The following RUNX1T1 variants were observed in gnomAD, a reference collection of about 807,000 sequenced individuals.
The protein encoded by RUNX1T1 is RUNX1 partner transcriptional co-repressor 1.
RUNX1T1 carries 4 observed loss-of-function variants against 62.8 expected under a neutral mutation model. The ratio of observed to expected loss-of-function variants is 0.06; its 90% CI spans 0.03 to 0.15. RUNX1T1 has a LOEUF of 0.15. Among genes scored for constraint, RUNX1T1 ranks in the 10% least tolerant of loss-of-function variants. The pLI, the probability that RUNX1T1 is intolerant of heterozygous loss-of-function variation, is 1.00. For synonymous variants in RUNX1T1, 291 were observed against 286.0 expected (o/e 1.02, Z -0.18); for missense variants, 508 against 754.3 (o/e 0.67, Z 3.82).
At chr8:92,009,571 G>A (rs191710463) in intron 4 of RUNX1T1, 2 of 150,534 alleles carry the variant, frequency 1.3e-5, no homozygotes, top group South Asian at 2.1e-4. Context: ...GACCCTGAAA[G>A]GAGCCTATTT....
chr8:92,026,956 A>C (rs189598088), intron 1 of RUNX1T1, among the ~76,000 whole-genome samples: 134 of 150,494 alleles, frequency 8.9e-4, no homozygotes, highest in Non-Finnish European at 5.9e-5. Flanking sequence ...TCTCTACTAA[A>C]AATACAAAAA....
intron 8 of RUNX1T1, among the ~76,000 whole-genome samples, chr8:91,978,106 T>C (rs1814385030): frequency 6.6e-6 from 1 of 152,064 alleles, no homozygotes. Context: ...TATTAAATAG[T>C]CAATCATTAT....
At chr8:92,047,382 C>T (rs1829575759) in intron 1 of RUNX1T1, among the ~76,000 whole-genome samples, 1 of 152,200 alleles carries the variant, frequency 6.6e-6, no homozygotes, top group Non-Finnish European at 1.5e-5. Flanking sequence ...ACCCCTGCTC[C>T]AACAGCCCTA....
intron 10 of RUNX1T1, among the ~76,000 whole-genome samples, chr8:91,962,887 C>T (rs1165502952): frequency 6.6e-6 from 1 of 152,148 alleles, no homozygotes; most frequent in Non-Finnish European, 1.5e-5. Flanking sequence ...TTGGCAGAGG[C>T]ACGTTTTGGC....
chr8:91,988,761 A>G (rs894705145), intron 6 of RUNX1T1, among the ~76,000 whole-genome samples: 3 of 152,154 alleles, frequency 2.0e-5, no homozygotes, highest in Non-Finnish European at 4.4e-5. Context: ...GCATTTGTGA[A>G]ACAGTACTAA....
chr8:92,074,734 G>A (rs1834172858), intron 2 of RUNX1T1, among the ~76,000 whole-genome samples: 1 of 152,218 alleles, frequency 6.6e-6, no homozygotes, highest in African/African-American at 2.4e-5. Flanking sequence ...GTTAAGAAAA[G>A]AGAAGTAGTC....
intron 8 of RUNX1T1, among the ~76,000 whole-genome samples, chr8:91,977,915 G>A (rs2130728349): frequency 6.6e-6 from 1 of 152,208 alleles, no homozygotes; most frequent in South Asian, 2.1e-4. Context: ...AGCCTCCCGA[G>A]TAGCTCGGAT....
intron 1 of RUNX1T1, among the ~76,000 whole-genome samples, chr8:92,085,147 G>C (rs1484414126): frequency 6.6e-6 from 1 of 152,234 alleles, no homozygotes; most frequent in African/African-American, 2.4e-5. Flanking sequence ...AAAGCACTTG[G>C]GAGTTAGGTC....
rs759758804 is a variant in RUNX1T1, at chr8:92,010,995, G to C, written c.477+7C>G. 11 of 1,515,304 alleles carry C rather than the reference G, an allele frequency of 7.3e-6. No homozygotes were observed. Among genetic ancestry groups the C allele is most frequent in the African/African-American group, 5.5e-5 (4 of 72,844 alleles). The allele number at this position is 1,515,304 out of a possible 1,614,324, so 93.9% of individuals were successfully genotyped here. On this transcript the variant is annotated splice_region_variant and intron_variant, in intron 4 of 10. Transcript: ENST00000396218. ...AATACTTTACAGACCAGTGAACTGT[G>C]CAATACCTTCAAAAATGGGATGACA...
chr8:92,073,255 C>T (rs1833944325), intron 2 of RUNX1T1, among the ~76,000 whole-genome samples: 1 of 152,186 alleles, frequency 6.6e-6, no homozygotes, highest in Admixed American at 6.5e-5. Flanking sequence ...GGACCAAGCA[C>T]TGTGTGTACC....
chr8:91,961,981 T>C (rs1017105301), intron 10 of RUNX1T1, among the ~76,000 whole-genome samples: 2 of 152,242 alleles, frequency 1.3e-5, no homozygotes, highest in African/African-American at 4.8e-5. Context: ...ATGCTGGTTG[T>C]GTGGCTTAAG....
At chr8:92,077,716 C>A (rs186814596) in intron 1 of RUNX1T1, among the ~76,000 whole-genome samples, 1 of 152,118 alleles carries the variant, frequency 6.6e-6, no homozygotes, top group East Asian at 1.9e-4. Context: ...GGATCATGCC[C>A]CTATATGAGC....
At chr8:92,102,239 C>T (rs561995932), upstream of RUNX1T1, among the ~76,000 whole-genome samples, 1 of 152,226 alleles carries the variant, frequency 6.6e-6, no homozygotes, top group South Asian at 2.1e-4. This position sits in a 1 kb window ranked among gnomAD's most constrained non-coding sequence, Gnocchi z 4.5. Context: ...AGTCCAGCAC[C>T]CCAAACGGCC....
chr8:92,046,615 C>T (rs1244814608), intron 1 of RUNX1T1, among the ~76,000 whole-genome samples: 1 of 152,158 alleles, frequency 6.6e-6, no homozygotes, highest in Non-Finnish European at 1.5e-5. Flanking sequence ...CCGCCTGCCT[C>T]AGCCTCCCAA....
At chr8:91,999,688 G>A (rs1586912964) in intron 5 of RUNX1T1, among the ~76,000 whole-genome samples, 1 of 152,272 alleles carries the variant, frequency 6.6e-6, no homozygotes, top group Admixed American at 6.5e-5. Flanking sequence ...CTATATGTTA[G>A]TCTGTCAATT....
At chr8:91,962,176 A>T (rs977274861) in intron 10 of RUNX1T1, among the ~76,000 whole-genome samples, 14 of 152,238 alleles carry the variant, frequency 9.2e-5, no homozygotes, top group Non-Finnish European at 4.4e-5. Context: ...AAGAACTCCA[A>T]TTTAAAACTT....
downstream of RUNX1T1, chr8:91,956,919 TAAG>T (rs1809474155): frequency 3.2e-5 from 6 of 186,866 alleles, no homozygotes; most frequent in East Asian, 5.1e-4. Flanking sequence ...ATGCTTTGCA[TAAG>T]TAAACCAGCC....
chr8:92,047,648 G>A (rs1829615413), intron 1 of RUNX1T1, among the ~76,000 whole-genome samples: 1 of 151,692 alleles, frequency 6.6e-6, no homozygotes, highest in Non-Finnish European at 1.5e-5. Flanking sequence ...CTGATTAAAT[G>A]AATATATGAC....
At chr8:91,996,160 T>C (rs1460671161) in intron 5 of RUNX1T1, among the ~76,000 whole-genome samples, 2 of 152,142 alleles carry the variant, frequency 1.3e-5, no homozygotes, top group Non-Finnish European at 2.9e-5. Context: ...GTCTTAAGGA[T>C]TTCTGAAAGT....
Sources: allele counts gnomAD v4.1 joint callset (sites outside exome capture counted in the v4.1 genomes callset), GRCh38; gene constraint gnomAD v4.1.1; non-coding constraint Gnocchi (gnomAD v3.1); transcripts MANE v1.5; gene names NCBI Gene and HGNC (gene_info 2026-07-23, HGNC 2026-07-21).